Variants in DACH1 observed in about 807,000 individuals in gnomAD.
The protein encoded by DACH1 is dachshund family transcription factor 1.
DACH1 carries 12 observed loss-of-function variants against 54.2 expected under a neutral mutation model. The ratio of observed to expected loss-of-function variants is 0.22; its 90% CI spans 0.14 to 0.36. The LOEUF is 0.36. Ranked by LOEUF, DACH1 falls within the 10% of genes least tolerant of loss-of-function variation. DACH1 has a pLI of 1.00. For synonymous variants in DACH1, 386 were observed against 366.2 expected (o/e 1.05, Z -0.62); for missense variants, 805 against 929.8 (o/e 0.87, Z 1.75).
At chr13:71,640,290 C>T (rs1448633961) in intron 2 of DACH1, among the ~76,000 whole-genome samples, 1 of 151,850 alleles carries the variant, frequency 6.6e-6, no homozygotes, top group African/African-American at 2.4e-5. Context: ...AAATTGACTC[C>T]ACTTAGAAAT....
Position 71,609,102 on chromosome 13 carries a change from G to A in DACH1, c.1126+21454C>T, listed in dbSNP as rs191636965. On this transcript the variant is annotated intron_variant, in intron 3 of 10. Coordinates refer to ENST00000613252, the MANE Select transcript of DACH1 (RefSeq NM_080759.6). ...TATAATTTTATAATAAATATATTAAGCAACATCAACAATAGTATAAAATTT... is the reference window on the plus strand; with the variant it reads ...TATAATTTTATAATAAATATATTAAACAACATCAACAATAGTATAAAATTT... Among the ~76,000 whole-genome samples, 577 of 151,786 alleles carry A rather than the reference G, an allele frequency of 3.8e-3. 1 individual carries two copies. The highest frequency in any genetic ancestry group is 6.3e-3 in the South Asian group (30 of 4,796).
At chr13:71,671,544 A>C (rs1880206883) in intron 2 of DACH1, among the ~76,000 whole-genome samples, 1 of 152,114 alleles carries the variant, frequency 6.6e-6, no homozygotes, top group Non-Finnish European at 1.5e-5. Context: ...CACATATTTC[A>C]TAATTAGAAG....
chr13:71,520,677 G>C (rs1001252576), intron 6 of DACH1, among the ~76,000 whole-genome samples: 1 of 151,672 alleles, frequency 6.6e-6, no homozygotes, highest in Non-Finnish European at 1.5e-5. Context: ...TCAAGGAATA[G>C]TTCATCCAAG....
chr13:71,633,216 A>G (rs1877233548), intron 2 of DACH1, among the ~76,000 whole-genome samples: 1 of 152,192 alleles, frequency 6.6e-6, no homozygotes, highest in African/African-American at 2.4e-5. Flanking sequence ...TGGACCAACC[A>G]TCCAATTATC....
chr13:71,568,101 G>A (rs943408764), intron 4 of DACH1, among the ~76,000 whole-genome samples: 1 of 151,810 alleles, frequency 6.6e-6, no homozygotes, highest in East Asian at 1.9e-4. Context: ...ATACAAAGGT[G>A]GCATAAATAG....
intron 1 of DACH1, among the ~76,000 whole-genome samples, chr13:71,714,133 T>G (rs1235128721): frequency 1.3e-5 from 2 of 152,102 alleles, no homozygotes; most frequent in Non-Finnish European, 2.9e-5. Flanking sequence ...TCCTGAATAT[T>G]ATTTCATATG....
chr13:71,640,769 G>GT (rs953108199), intron 2 of DACH1, among the ~76,000 whole-genome samples: 4 of 152,010 alleles, frequency 2.6e-5, no homozygotes, highest in African/African-American at 9.7e-5. Flanking sequence ...TCTAAACGAT[G>GT]TTTTTGTTTT....
intron 10 of DACH1, among the ~76,000 whole-genome samples, chr13:71,473,273 G>A (rs1330809890): frequency 1.3e-5 from 2 of 152,178 alleles, no homozygotes; most frequent in Admixed American, 6.5e-5. Flanking sequence ...TCCATAAAAT[G>A]TGTATATGGT....
chr13:71,658,513 G>A (rs568775316), intron 2 of DACH1, among the ~76,000 whole-genome samples: 1 of 152,160 alleles, frequency 6.6e-6, no homozygotes, highest in South Asian at 2.1e-4. Flanking sequence ...TCGTGCCACT[G>A]CCCTCCAGCC....
At chr13:71,604,820 A>T (rs1874759635) in intron 3 of DACH1, among the ~76,000 whole-genome samples, 1 of 151,888 alleles carries the variant, frequency 6.6e-6, no homozygotes, top group Admixed American at 6.6e-5. Context: ...CTAATAAATC[A>T]AAACAAAGGG....
intron 1 of DACH1, among the ~76,000 whole-genome samples, chr13:71,686,109 T>C (rs1881147293): frequency 1.3e-5 from 2 of 152,184 alleles, no homozygotes. Context: ...CTCCTAGCTC[T>C]AATCAAACGG....
At chr13:71,579,850 G>T (rs1885753596) in intron 3 of DACH1, among the ~76,000 whole-genome samples, 2 of 151,988 alleles carry the variant, frequency 1.3e-5, no homozygotes, top group South Asian at 4.2e-4. Context: ...GTTTTCTTTG[G>T]ACTCATTAGC....
At chr13:71,676,334 C>T (rs754726050) in intron 2 of DACH1, among the ~76,000 whole-genome samples, 7 of 152,144 alleles carry the variant, frequency 4.6e-5, no homozygotes, top group Admixed American at 2.0e-4. Flanking sequence ...TCTCCTGCCT[C>T]AGCCTCCCGA....
intron 1 of DACH1, among the ~76,000 whole-genome samples, chr13:71,704,897 G>T (rs1010185941): frequency 6.6e-6 from 1 of 152,004 alleles, no homozygotes; most frequent in African/African-American, 2.4e-5. Flanking sequence ...TACTATTTAT[G>T]AAATATTTGT....
intron 3 of DACH1, among the ~76,000 whole-genome samples, chr13:71,590,851 CTCTCTG>C (rs1012247508): frequency 1.0e-4 from 15 of 146,380 alleles, no homozygotes; most frequent in African/African-American, 3.5e-4. Flanking sequence ...TTCTTTTTCT[CTCTCTG>C]TCTCTGTCTC....
intron 6 of DACH1, 133 bp from the exon 7 acceptor site, chr13:71,489,281 T>G: frequency 1.0e-6 from 1 of 956,626 alleles, no homozygotes; most frequent in Non-Finnish European, 1.5e-6. Context: ...GAAAATGCTT[T>G]CTGCTGAATT....
intron 6 of DACH1, among the ~76,000 whole-genome samples, chr13:71,505,052 A>G (rs1880201804): frequency 1.3e-5 from 2 of 152,096 alleles, no homozygotes; most frequent in Admixed American, 1.3e-4. Context: ...AGAAACACAT[A>G]TATTTGTTAA....
chr13:71,548,430 G>A (rs1162729826), intron 6 of DACH1, among the ~76,000 whole-genome samples: 1 of 152,028 alleles, frequency 6.6e-6, no homozygotes, highest in African/African-American at 2.4e-5. Context: ...AAATAAGAAA[G>A]CTGTTAGAAT....
intron 1 of DACH1, among the ~76,000 whole-genome samples, chr13:71,851,208 G>A (rs569631171): frequency 3.3e-5 from 5 of 152,236 alleles, no homozygotes; most frequent in Non-Finnish European, 7.4e-5. Flanking sequence ...CTTCTTAATA[G>A]AGATTAATCA....
Sources: allele counts gnomAD v4.1 joint callset (sites outside exome capture counted in the v4.1 genomes callset), GRCh38; gene constraint gnomAD v4.1.1; transcripts MANE v1.5; gene names NCBI Gene and HGNC (gene_info 2026-07-23, HGNC 2026-07-21).